RPS19: variants seen among roughly 807,000 people sequenced by gnomAD.
The protein encoded by RPS19 is small ribosomal subunit protein eS19.
In RPS19, 1 loss-of-function variant was observed where a neutral mutation model predicts 20.3. The observed-to-expected ratio is 0.05, with a 90% CI of 0.02 to 0.23. RPS19 has a LOEUF of 0.23. Among genes scored for constraint, RPS19 ranks in the 10% least tolerant of loss-of-function variants. The pLI is 1.00. For missense variants in RPS19, 111 were observed against 192.7 expected (o/e 0.58, Z 2.51); for synonymous variants, 87 against 74.8 (o/e 1.16, Z -0.84).
chr19:41,870,017 C>T (rs1375903035), intron 5 of RPS19, among the ~76,000 whole-genome samples: 1 of 152,134 alleles, frequency 6.6e-6, no homozygotes, highest in African/African-American at 2.4e-5. Context: ...CCGAGGCAGG[C>T]GAATTATCTG....
In RPS19 at chr19:41,869,763, G is replaced by A. The variant is rs1476170799; in HGVS notation, c.411+10G>A. On this transcript the variant is annotated intron_variant, in intron 5 of 5. Coordinates refer to ENST00000598742, the MANE Select transcript of RPS19 (RefSeq NM_001022.4). ...CAGAATCGCCGGACAGGTAAGGCCT[G>A]CGTTTGGGGTGGGGCTGGGTCCCTT... 3 of 1,614,084 alleles carry A rather than the reference G, an allele frequency of 1.9e-6. No individual in the cohort carries two copies. The highest frequency in any genetic ancestry group is 1.7e-6 in the Non-Finnish European group (2 of 1,179,934).
In RPS19 at chr19:41,871,382, A is replaced by G. The variant is rs1222247007; in HGVS notation, c.*5A>G. ...GCTGCCAACAAGAAGCATTAGAACA[A>G]ACCATGCTGGGTTAATAAATTGCCT... On this transcript the variant is annotated 3_prime_UTR_variant, in exon 6 of 6. Coordinates refer to ENST00000598742, the MANE Select transcript of RPS19 (RefSeq NM_001022.4). 35 of 1,613,166 alleles carry G rather than the reference A, an allele frequency of 2.2e-5. No homozygotes were observed. Among genetic ancestry groups the G allele is most frequent in the African/African-American group, 5.3e-5 (4 of 74,866 alleles).
Position 41,869,894 on chromosome 19 carries a change from C to G in RPS19, c.411+141C>G. 9 of 809,878 alleles carry G rather than the reference C, an allele frequency of 1.1e-5. 1 individual carries two copies. In the South Asian group the frequency reaches 1.3e-4, roughly 12 times the overall value. 50.2% of individuals were successfully genotyped at this position (809,878 alleles called of 1,614,324 possible). The stretch of plus-strand genomic sequence containing the variant: ...CTGGTGGGGTCAGAGGAGGGCTGCC[C>G]AGAGACAGGAGAAAGGACAGTCCTG... On this transcript the variant is annotated intron_variant, in intron 5 of 5. Coordinates refer to ENST00000598742, the MANE Select transcript of RPS19 (RefSeq NM_001022.4).
intron 3 of RPS19, among the ~76,000 whole-genome samples, chr19:41,868,063 C>T (rs1555841079): frequency 2.0e-5 from 3 of 152,162 alleles, no homozygotes; most frequent in Non-Finnish European, 4.4e-5. Flanking sequence ...GAAGAACCCC[C>T]AATTCCCCCA....
chr19:41,869,426 A>G (rs2074122952), intron 4 of RPS19, among the ~76,000 whole-genome samples: 1 of 152,216 alleles, frequency 6.6e-6, no homozygotes, highest in South Asian at 2.1e-4. Context: ...TAATTTAGCG[A>G]CTATCTGCTT....
rs550213564 is a variant in RPS19 at position 41,872,222 on chromosome 19, G to A, written c.*845G>A. 6.6e-6 allele frequency: 1 copy of A among 152,402 alleles called. No individual in the cohort carries two copies. The highest frequency in any genetic ancestry group is 2.4e-5 in the African/African-American group (1 of 41,588). 9.4% of individuals were successfully genotyped at this position (152,402 alleles called of 1,614,324 possible). ...TGGGAGATCCAAATAGCACCCAGTG[G>A]GCAGCTGTCCGACCCCTGGAGGGGC... On this transcript the variant is annotated 3_prime_UTR_variant, in exon 6 of 6. Coordinates refer to ENST00000598742, the MANE Select transcript of RPS19 (RefSeq NM_001022.4).
At chr19:41,870,849 CTTTTTTT>C (rs35987051) in intron 5 of RPS19, among the ~76,000 whole-genome samples, 7 of 43,956 alleles carry the variant, frequency 1.6e-4, no homozygotes, top group East Asian at 1.3e-3. Context: ...CACTCCCTTC[CTTTTTTT>C]TTTTTTTTTT....
intron 3 of RPS19, among the ~76,000 whole-genome samples, chr19:41,865,817 C>T (rs1184392503): frequency 2.7e-5 from 4 of 150,568 alleles, no homozygotes; most frequent in African/African-American, 7.4e-5. Flanking sequence ...GGCGTGGTGG[C>T]GGGCGCCTGT....
rs782818306 is a variant in RPS19, at chr19:41,870,681, C to CA, written c.412-669dup. ...TTGGAGCATTTAGTCAGTCAAGTGT[C>CA]ACAAAAGAATGGAAAGTGTCAGCCC... On this transcript the variant is annotated intron_variant, in intron 5 of 5. Coordinates refer to ENST00000598742, the MANE Select transcript of RPS19 (RefSeq NM_001022.4). Among the ~76,000 whole-genome samples, 22 of 152,032 alleles carry CA rather than the reference C, an allele frequency of 1.4e-4. 1 individual carries two copies. Among genetic ancestry groups the CA allele is most frequent in the East Asian group, 1.4e-3 (7 of 5,148 alleles).
At chr19:41,870,003 G>C (rs2074130399) in intron 5 of RPS19, among the ~76,000 whole-genome samples, 1 of 152,132 alleles carries the variant, frequency 6.6e-6, no homozygotes, top group Admixed American at 6.5e-5. Context: ...AGCACTTTGG[G>C]ATGCCGAGGC....
chr19:41,864,226 C>CT (rs1600613939), intron 3 of RPS19: 2 of 152,366 alleles, frequency 1.3e-5, no homozygotes, highest in East Asian at 3.9e-4. Context: ...TGGTGTGCGT[C>CT]TGAGAGCAGC....
intron 5 of RPS19, 121 bp downstream of exon 5, chr19:41,869,874 G>C: frequency 1.9e-6 from 2 of 1,035,616 alleles, no homozygotes; most frequent in Admixed American, 3.9e-5. Context: ...GGGTGCTGGT[G>C]GGGTCAGAGG....
chr19:41,867,512 A>G (rs1157854480), intron 3 of RPS19, among the ~76,000 whole-genome samples: 4 of 152,144 alleles, frequency 2.6e-5, no homozygotes, highest in Admixed American at 2.6e-4. Context: ...GGGTTTCACC[A>G]TGTTGGCCAG....
At position 41,869,232 on chromosome 19, in the gene RPS19, G is replaced by A. The variant is rs61762294; in HGVS notation, c.356+18G>A. ...CAAGATGGGTAAGCAGGGTAGAGGG[G>A]GCTGCATTGATGGAGTAGCCTTGAG... On this transcript the variant is annotated intron_variant, in intron 4 of 5. Coordinates refer to ENST00000598742, the MANE Select transcript of RPS19 (RefSeq NM_001022.4). The A allele has an allele frequency of 8.7e-6, 14 of 1,608,362 alleles. 1 individual carries two copies. In the Middle Eastern group the frequency reaches 5.8e-4, roughly 67 times the overall value.
At chr19:41,861,465 A>G (rs782056744) in intron 3 of RPS19, 7 of 521,966 alleles carry the variant, frequency 1.3e-5, no homozygotes, top group African/African-American at 3.8e-5. Context: ...ATGAATGTTC[A>G]TATTTTGCTT....
At position 41,860,553 on chromosome 19, in the gene RPS19, C is replaced by T. The variant is rs2074017009; in HGVS notation, c.1-222C>T. On this transcript the variant is annotated intron_variant, in intron 1 of 5. Coordinates refer to ENST00000598742, the MANE Select transcript of RPS19 (RefSeq NM_001022.4). ...AGTGGGGTCGCGCAGGATCCTCACA[C>T]GCAGGGGCCGGGCTCTGTTAGTGCG... 1.2e-5 allele frequency: 7 copies of T among 589,754 alleles called. 1 individual carries two copies. Among genetic ancestry groups the T allele is most frequent in the South Asian group, 7.5e-5 (4 of 53,188 alleles). The allele number at this position is 589,754 out of a possible 1,614,324, so 36.5% of individuals were successfully genotyped here.
intron 3 of RPS19, chr19:41,861,449 A>C: frequency 1.8e-6 from 1 of 553,338 alleles, no homozygotes; most frequent in South Asian, 2.0e-5. Flanking sequence ...GGGAAACCAG[A>C]GACAGATGAA....
At chr19:41,866,673 C>T (rs2074093337) in intron 3 of RPS19, among the ~76,000 whole-genome samples, 1 of 152,106 alleles carries the variant, frequency 6.6e-6, no homozygotes, top group Non-Finnish European at 1.5e-5. Flanking sequence ...CAGGATGAAC[C>T]CCAATACCCA....
intron 3 of RPS19, among the ~76,000 whole-genome samples, chr19:41,862,656 A>G (rs1256859353): frequency 2.8e-5 from 4 of 144,708 alleles, no homozygotes; most frequent in Admixed American, 6.9e-5. Flanking sequence ...TTTTTTTAAC[A>G]TGGGGAGGGA....
Sources: allele counts gnomAD v4.1 joint callset (sites outside exome capture counted in the v4.1 genomes callset), GRCh38; gene constraint gnomAD v4.1.1; transcripts MANE v1.5; gene names NCBI Gene and HGNC (gene_info 2026-07-23, HGNC 2026-07-21).